The following NAALADL2 variants were observed in gnomAD, a reference collection of about 807,000 sequenced individuals.
The protein encoded by NAALADL2 is N-acetylated alpha-linked acidic dipeptidase like 2, also known as inactive N-acetylated-alpha-linked acidic dipeptidase-like protein 2.
A neutral mutation model predicts 87.2 loss-of-function variants in NAALADL2; 76 were observed. The ratio of observed to expected loss-of-function variants is 0.87; its 90% CI spans 0.72 to 1.05. The LOEUF (loss-of-function observed/expected upper bound fraction) is 1.05, where lower values mean the gene tolerates loss of function less well. Among genes scored for constraint, NAALADL2 ranks in the 50% least tolerant of loss-of-function variants. NAALADL2 has a pLI of 0.00. For synonymous variants in NAALADL2, 354 were observed against 331.0 expected (o/e 1.07, Z -0.75); for missense variants, 1,089 against 945.8 (o/e 1.15, Z -1.99).
At chr3:174,735,882 C>T (rs532801715) in intron 2 of NAALADL2, among the ~76,000 whole-genome samples, 26 of 152,292 alleles carry the variant, frequency 1.7e-4, no homozygotes, top group African/African-American at 4.1e-4. Context: ...TGGCAGGCTG[C>T]GCTTGGCTCA....
intron 3 of NAALADL2, among the ~76,000 whole-genome samples, chr3:174,821,402 G>A (rs1040100386): frequency 6.6e-6 from 1 of 152,120 alleles, no homozygotes; most frequent in Non-Finnish European, 1.5e-5. Context: ...GGTAACATTT[G>A]CTATTGTATT....
In NAALADL2 at chr3:175,516,540, G is replaced by A. The variant is rs140079100; in HGVS notation, c.1653+44782G>A. On this transcript the variant is annotated intron_variant, in intron 9 of 13. Transcript: ENST00000454872. ...AATCAATCCCCTTTCTGAGATTTTA[G>A]CCATGAACCTGAAATTTTCAAATAG... is the stretch of plus-strand genomic sequence containing the variant. Among the ~76,000 whole-genome samples, 109 of 152,210 alleles carry A rather than the reference G, an allele frequency of 7.2e-4. 1 individual carries two copies. In the Middle Eastern group the frequency reaches 0.01, roughly 14 times the overall value.
chr3:174,595,456 T>C (rs1363161459), intron 2 of NAALADL2, among the ~76,000 whole-genome samples: 1 of 152,204 alleles, frequency 6.6e-6, no homozygotes, highest in Non-Finnish European at 1.5e-5. Context: ...TGCTTTGTAT[T>C]TGGCCAGATA....
intron 2 of NAALADL2, among the ~76,000 whole-genome samples, chr3:175,202,999 G>T (rs1190382856): frequency 6.6e-6 from 1 of 152,020 alleles, no homozygotes; most frequent in South Asian, 2.1e-4. Context: ...ACAGCCCCAA[G>T]TCTGTTTCCA....
intron 3 of NAALADL2, among the ~76,000 whole-genome samples, chr3:174,834,460 A>C (rs1384100803): frequency 6.6e-6 from 1 of 151,814 alleles, no homozygotes; most frequent in African/African-American, 2.4e-5. Context: ...CATTGTAATA[A>C]AGGAAGAAAA....
At chr3:175,407,975 G>C (rs1462387242) in intron 5 of NAALADL2, among the ~76,000 whole-genome samples, 1 of 152,082 alleles carries the variant, frequency 6.6e-6, no homozygotes, top group Non-Finnish European at 1.5e-5. Flanking sequence ...TTACTTGGTG[G>C]TGATTTGGTC....
chr3:174,915,501 A>C (rs1269419621), intron 1 of NAALADL2, among the ~76,000 whole-genome samples: 1 of 152,132 alleles, frequency 6.6e-6, no homozygotes, highest in African/African-American at 2.4e-5. Flanking sequence ...TTTTGAGCCC[A>C]TGTTCTCTGG....
chr3:174,902,384 T>G (rs981303938), intron 1 of NAALADL2, among the ~76,000 whole-genome samples: 1 of 152,106 alleles, frequency 6.6e-6, no homozygotes, highest in African/African-American at 2.4e-5. Flanking sequence ...TCTGGCTCAT[T>G]GTAAATCTCT....
intron 1 of NAALADL2, among the ~76,000 whole-genome samples, chr3:174,947,227 C>A (rs1013943283): frequency 2.0e-5 from 3 of 152,130 alleles, no homozygotes; most frequent in African/African-American, 7.2e-5. Flanking sequence ...CAACTCTCAG[C>A]ATTGTCTTCT....
chr3:175,657,635 C>T (rs2149803383), intron 11 of NAALADL2, among the ~76,000 whole-genome samples: 1 of 150,802 alleles, frequency 6.6e-6, no homozygotes, highest in African/African-American at 2.4e-5. Context: ...GGCTGGAGTG[C>T]AGTGGCACGA....
intron 2 of NAALADL2, among the ~76,000 whole-genome samples, chr3:175,125,505 T>C (rs775561785): frequency 3.9e-5 from 6 of 152,032 alleles, no homozygotes; most frequent in African/African-American, 1.4e-4. Context: ...GCAAAGATAT[T>C]GGATCCTTTA....
chr3:175,566,285 A>T (rs570362196), intron 9 of NAALADL2, among the ~76,000 whole-genome samples: 65 of 152,336 alleles, frequency 4.3e-4, no homozygotes, highest in Admixed American at 4.2e-3. Context: ...AAAAGTAATA[A>T]GCAAATTGAC....
intron 6 of NAALADL2, among the ~76,000 whole-genome samples, chr3:175,459,575 A>G (rs1237231618): frequency 3.9e-5 from 6 of 152,108 alleles, no homozygotes; most frequent in Non-Finnish European, 8.8e-5. Flanking sequence ...AAAAAACCAC[A>G]CGTATATATT....
intron 2 of NAALADL2, among the ~76,000 whole-genome samples, chr3:174,595,361 A>G (rs1220475658): frequency 1.3e-5 from 2 of 151,982 alleles, no homozygotes; most frequent in Non-Finnish European, 2.9e-5. Flanking sequence ...TCATTTCTTC[A>G]TTAATTGTTC....
chr3:175,635,881 A>G (rs1728457356), intron 11 of NAALADL2, among the ~76,000 whole-genome samples: 1 of 152,138 alleles, frequency 6.6e-6, no homozygotes, highest in African/African-American at 2.4e-5. Flanking sequence ...CCCTCCAAAA[A>G]TGTGTTTAAA....
intron 5 of NAALADL2, among the ~76,000 whole-genome samples, chr3:175,391,986 G>A (rs1221070354): frequency 6.6e-6 from 1 of 152,114 alleles, no homozygotes; most frequent in Non-Finnish European, 1.5e-5. Flanking sequence ...CTCCCTATGA[G>A]GTAGGTTCAG....
chr3:174,460,982 T>A (rs1278214481), intron 1 of NAALADL2, among the ~76,000 whole-genome samples: 1 of 152,086 alleles, frequency 6.6e-6, no homozygotes, highest in Admixed American at 6.6e-5. Flanking sequence ...ACTACTAGTA[T>A]GACAGCTTCA....
At chr3:175,616,334 A>T (rs1725350170) in intron 10 of NAALADL2, among the ~76,000 whole-genome samples, 1 of 150,138 alleles carries the variant, frequency 6.7e-6, no homozygotes, top group Non-Finnish European at 1.5e-5. Flanking sequence ...TAAATATAAT[A>T]AATAACATTA....
At chr3:175,740,302 T>A (rs894837988) in intron 12 of NAALADL2, among the ~76,000 whole-genome samples, 2 of 152,048 alleles carry the variant, frequency 1.3e-5, no homozygotes, top group African/African-American at 4.8e-5. Flanking sequence ...ACAAAATCAT[T>A]TTAGTAGATT....
Sources: allele counts gnomAD v4.1 joint callset (sites outside exome capture counted in the v4.1 genomes callset), GRCh38; gene constraint gnomAD v4.1.1; transcripts MANE v1.5; gene names NCBI Gene and HGNC (gene_info 2026-07-23, HGNC 2026-07-21).